Variants in PTPRN2 observed in about 807,000 individuals in gnomAD.
PTPRN2 encodes receptor-type tyrosine-protein phosphatase N2.
A neutral mutation model predicts 118.8 loss-of-function variants in PTPRN2; 74 were observed. That is an observed-to-expected ratio of 0.62 (90% CI 0.52 to 0.76). The LOEUF (loss-of-function observed/expected upper bound fraction) is 0.76. Among genes scored for constraint, PTPRN2 ranks in the 30% least tolerant of loss-of-function variants. The pLI is 0.00. For synonymous variants in PTPRN2, 641 were observed against 608.0 expected (o/e 1.05, Z -0.80); for missense variants, 1,481 against 1,394.4 (o/e 1.06, Z -0.99).
chr7:158,060,950 A>G lies in PTPRN2; in HGVS notation c.1723+20348T>C, dbSNP rs146533572. On this transcript the variant is annotated intron_variant, in intron 11 of 22. Coordinates refer to ENST00000389418, the MANE Select transcript of PTPRN2 (RefSeq NM_002847.5). The stretch of plus-strand genomic sequence containing the variant: ...ATCAAGGCTGAGCTTTCAGCGCAGT[A>G]TTTATGAGCTGCATTTCTTTCAAAA... Among the ~76,000 whole-genome samples the G allele has an allele frequency of 2.6e-4, 39 of 152,378 alleles. 1 individual carries two copies. In the East Asian group the frequency reaches 7.5e-3, roughly 29 times the overall value.
At chr7:157,995,996 A>C (rs62476599) in intron 11 of PTPRN2, among the ~76,000 whole-genome samples, 21 of 152,132 alleles carry the variant, frequency 1.4e-4, no homozygotes, top group African/African-American at 4.8e-4. Flanking sequence ...CTATTCAGCC[A>C]TAAAAAAGGA....
chr7:158,145,671 G>A (rs1563506004), intron 6 of PTPRN2, among the ~76,000 whole-genome samples: 1 of 152,362 alleles, frequency 6.6e-6, no homozygotes, highest in Non-Finnish European at 1.5e-5. Flanking sequence ...CCCTGCCGTG[G>A]CTGCAGCTGC....
At chr7:158,387,690 G>A (rs1811598214) in intron 2 of PTPRN2, among the ~76,000 whole-genome samples, 1 of 149,104 alleles carries the variant, frequency 6.7e-6, no homozygotes, top group Non-Finnish European at 1.5e-5. Context: ...AAAGGCAATG[G>A]TGCTGGATGG....
chr7:158,176,042 G>A (rs971621034), intron 5 of PTPRN2, among the ~76,000 whole-genome samples: 7 of 151,738 alleles, frequency 4.6e-5, no homozygotes, highest in East Asian at 1.9e-4. Context: ...TCGCAATGCC[G>A]TGAGGCCAGC....
Position 158,003,170 on chromosome 7 carries a change from T to C in PTPRN2, c.1723+78128A>G, listed in dbSNP as rs1439455263. Among the ~76,000 whole-genome samples, 1 of 151,838 alleles carries C rather than the reference T, an allele frequency of 6.6e-6. No homozygotes were observed. Among genetic ancestry groups the C allele is most frequent in the Non-Finnish European group, 1.5e-5 (1 of 67,934 alleles). ...TGGCTCACGCCTGTAATCCCAGCACTTTGGGAGGCCGAGACGGGCGGATCA... is the reference window on the plus strand; with the variant it reads ...TGGCTCACGCCTGTAATCCCAGCACCTTGGGAGGCCGAGACGGGCGGATCA... On this transcript the variant is annotated intron_variant, in intron 11 of 22. Coordinates refer to ENST00000389418, the MANE Select transcript of PTPRN2 (RefSeq NM_002847.5). The surrounding 1 kb of genome is among the most constrained non-coding windows in gnomAD (Gnocchi z 5.0).
In PTPRN2 at chr7:157,877,311, C is replaced by T. The variant is rs1373145167; in HGVS notation, c.1788+21362G>A. 3.4e-5 allele frequency among the ~76,000 whole-genome samples: 5 copies of T among 149,200 alleles called. No homozygotes were observed. The South Asian group carries it at 8.6e-4, about 26-fold the overall frequency. On this transcript the variant is annotated intron_variant, in intron 12 of 22. Coordinates refer to ENST00000389418, the MANE Select transcript of PTPRN2 (RefSeq NM_002847.5). ...AGCACCAGGGTTTCCTTGGGGACCC[C>T]GGGTCCGAGTGCAGCACCAGGGTTT... is the stretch of plus-strand genomic sequence containing the variant.
chr7:158,143,415 C>T lies in PTPRN2; in HGVS notation c.911-4900G>A, dbSNP rs564210080. On this transcript the variant is annotated intron_variant, in intron 6 of 22. Coordinates refer to ENST00000389418, the MANE Select transcript of PTPRN2 (RefSeq NM_002847.5). The stretch of plus-strand genomic sequence containing the variant: ...ATTGGGCATGGCTGTCCCCAGCAGT[C>T]GGCGTCCTCCGTGCTTAGGAGGCGA... Among the ~76,000 whole-genome samples the T allele has an allele frequency of 3.9e-5, 6 of 152,306 alleles. No individual in the cohort carries two copies. In the East Asian group the frequency reaches 5.8e-4, roughly 15 times the overall value.
At chr7:158,543,524 A>T (rs1826117866) in intron 1 of PTPRN2, among the ~76,000 whole-genome samples, 1 of 152,244 alleles carries the variant, frequency 6.6e-6, no homozygotes, top group East Asian at 1.9e-4. Flanking sequence ...AACAGCATTG[A>T]GGGTAACTGC....
rs542282208 is a variant in PTPRN2 at position 158,213,266 on chromosome 7, A to G, written c.278-7993T>C. Among the ~76,000 whole-genome samples the G allele has an allele frequency of 5.3e-5, 8 of 151,338 alleles. No individual in the cohort carries two copies. In the East Asian group the frequency reaches 1.6e-3, roughly 29 times the overall value. On this transcript the variant is annotated intron_variant, in intron 3 of 22. Coordinates refer to ENST00000389418, the MANE Select transcript of PTPRN2 (RefSeq NM_002847.5). ...TGTGTGTGTGTGGCGTAGGAAGTCC[A>G]GAACATGATGAGAACCACATATTCT...
intron 12 of PTPRN2, among the ~76,000 whole-genome samples, chr7:157,710,757 G>T (rs57929406): frequency 0.026 from 2,990 of 114,760 alleles, 106 homozygotes; most frequent in African/African-American, 0.082. Context: ...CCCTCAGCCC[G>T]CCCATGTGCA....
chr7:157,625,168 G>A (rs1803490745), intron 14 of PTPRN2, among the ~76,000 whole-genome samples: 1 of 152,338 alleles, frequency 6.6e-6, no homozygotes, highest in East Asian at 1.9e-4. Context: ...AGAAAACAGT[G>A]TGGAGATTTG....
intron 2 of PTPRN2, among the ~76,000 whole-genome samples, chr7:158,381,281 C>T (rs139121120): frequency 2.4e-3 from 369 of 152,318 alleles, no homozygotes; most frequent in African/African-American, 8.3e-3. Flanking sequence ...GCTTCCCCTA[C>T]AAAACCAAGC....
intron 11 of PTPRN2, among the ~76,000 whole-genome samples, chr7:158,071,598 CTGGTGGAGGTGCTCG>C (rs1563392327): frequency 1.2e-3 from 9 of 7,440 alleles, no homozygotes; most frequent in Admixed American, 1.6e-3. Context: ...GGAGGTGCTC[CTGGTGGAGGTGCTCG>C]TGGTGGAGGT....
chr7:158,194,126 CGTGT>C (rs372172364), intron 4 of PTPRN2, among the ~76,000 whole-genome samples: 6,600 of 151,582 alleles, frequency 0.044, 465 homozygotes, highest in African/African-American at 0.15. Context: ...CGCGCATGTG[CGTGT>C]GTGAGTTTGT....
At chr7:157,932,020 C>T (rs916162534) in intron 11 of PTPRN2, among the ~76,000 whole-genome samples, 3 of 152,148 alleles carry the variant, frequency 2.0e-5, no homozygotes, top group African/African-American at 7.2e-5. Flanking sequence ...ACTCGTCACC[C>T]GATTCTCCAA....
At chr7:157,899,972 G>C (rs73165891) in intron 11 of PTPRN2, among the ~76,000 whole-genome samples, 19,602 of 152,216 alleles carry the variant, frequency 0.13, 1,576 homozygotes, top group Non-Finnish European at 0.17. Context: ...AAACAGAGGA[G>C]ACATCTGACA....
intron 6 of PTPRN2, among the ~76,000 whole-genome samples, chr7:158,159,593 T>C (rs191616552): frequency 6.6e-5 from 10 of 152,304 alleles, no homozygotes; most frequent in Admixed American, 5.9e-4. Context: ...ACCGGTTTTG[T>C]TTCCCGTTCA....
At position 158,330,733 on chromosome 7, in the gene PTPRN2, C is replaced by T. The variant is rs551512180; in HGVS notation, c.164-13801G>A. ...CACCATAAGAGCCGACACGTGCAGA[C>T]GTCACTCACACCCACACTCTCACCA... On this transcript the variant is annotated intron_variant, in intron 2 of 22. Transcript: ENST00000389418. Among the ~76,000 whole-genome samples the T allele has an allele frequency of 5.7e-4, 67 of 116,832 alleles. 5 individuals carry two copies. Among genetic ancestry groups the T allele is most frequent in the African/African-American group, 1.2e-3 (42 of 35,820 alleles). 76.6% of individuals were successfully genotyped at this position (116,832 alleles called of 152,430 possible). A position where few individuals can be genotyped will look rare whatever the true frequency, so the allele number is the denominator to read the frequency against.
chr7:158,585,254 A>G (rs1828848854), intron 1 of PTPRN2, among the ~76,000 whole-genome samples: 1 of 152,208 alleles, frequency 6.6e-6, no homozygotes, highest in African/African-American at 2.4e-5. Flanking sequence ...GGATGGTACA[A>G]GGTGGAGGGG....
Sources: gnomAD v4.1 joint callset for allele counts (sites outside exome capture counted in the v4.1 genomes callset) on GRCh38, gnomAD v4.1.1 for gene constraint, Gnocchi (gnomAD v3.1) non-coding constraint, MANE v1.5 for transcripts, NCBI Gene and HGNC (gene_info 2026-07-23, HGNC 2026-07-21) for gene names.